Variants in MACROD2 observed in about 807,000 individuals in gnomAD.
The protein encoded by MACROD2 is mono-ADP ribosylhydrolase 2.
In MACROD2, 36 loss-of-function variants were observed where a neutral mutation model predicts 70.4. The ratio of observed to expected loss-of-function variants is 0.51; its 90% CI spans 0.39 to 0.68. MACROD2 has a LOEUF of 0.68. Among genes scored for constraint, MACROD2 ranks in the 30% least tolerant of loss-of-function variants. MACROD2 has a pLI of 0.00. For synonymous variants in MACROD2, 172 were observed against 178.8 expected, an observed-to-expected ratio of 0.96 and a Z score of 0.30; for missense variants, 496 against 538.4, an observed-to-expected ratio of 0.92 and a Z score of 0.78.
chr20:15,257,781 C>T (rs907480780), intron 6 of MACROD2, among the ~76,000 whole-genome samples: 1 of 152,078 alleles, frequency 6.6e-6, no homozygotes, highest in South Asian at 2.1e-4. Flanking sequence ...CTTATCACTA[C>T]TTTAGAGTAT....
At chr20:14,881,058 A>G (rs780880766) in intron 5 of MACROD2, among the ~76,000 whole-genome samples, 3 of 152,106 alleles carry the variant, frequency 2.0e-5, no homozygotes, top group Non-Finnish European at 2.9e-5. Context: ...TAGGGCCTAC[A>G]TGGCCTACCC....
intron 6 of MACROD2, among the ~76,000 whole-genome samples, chr20:15,336,380 A>G (rs561039652): frequency 4.7e-5 from 6 of 128,356 alleles, no homozygotes; most frequent in Admixed American, 1.6e-4. Context: ...TAACCAAAAA[A>G]AAAAAAGAAA....
chr20:14,345,797 T>C (rs2083057785), intron 3 of MACROD2, among the ~76,000 whole-genome samples: 1 of 151,870 alleles, frequency 6.6e-6, no homozygotes. Context: ...AGGAAGGAAA[T>C]AACTTTAGAA....
chr20:14,152,434 T>C (rs1252698425), intron 3 of MACROD2, among the ~76,000 whole-genome samples: 2 of 151,452 alleles, frequency 1.3e-5, no homozygotes, highest in African/African-American at 2.4e-5. Flanking sequence ...CTACATTTTT[T>C]TTTTTTTTTT....
At chr20:15,682,855 C>A (rs1385761757) in intron 8 of MACROD2, among the ~76,000 whole-genome samples, 1 of 152,128 alleles carries the variant, frequency 6.6e-6, no homozygotes, top group East Asian at 1.9e-4. Flanking sequence ...CAAGCTCTGT[C>A]ATTTTTTGTT....
chr20:15,095,040 A>G (rs1193020626), intron 5 of MACROD2, among the ~76,000 whole-genome samples: 1 of 109,150 alleles, frequency 9.2e-6, no homozygotes, highest in Non-Finnish European at 2.0e-5. Context: ...TCATTGTTAT[A>G]TCTTTTCACT....
At chr20:15,895,751 A>C (rs1296242845) in intron 10 of MACROD2, among the ~76,000 whole-genome samples, 1 of 152,214 alleles carries the variant, frequency 6.6e-6, no homozygotes, top group Non-Finnish European at 1.5e-5. Context: ...CCTGAGTTCC[A>C]CAGGATGGGC....
intron 4 of MACROD2, among the ~76,000 whole-genome samples, chr20:14,544,355 C>T (rs894984410): frequency 3.3e-5 from 5 of 151,672 alleles, no homozygotes; most frequent in African/African-American, 1.2e-4. Context: ...AGTTTAAAAT[C>T]AGACAGATTC....
At chr20:15,850,232 G>A (rs2064281582) in intron 8 of MACROD2, among the ~76,000 whole-genome samples, 1 of 152,126 alleles carries the variant, frequency 6.6e-6, no homozygotes, top group East Asian at 1.9e-4. Context: ...GGGAAACCAG[G>A]CATTTATCCC....
chr20:15,875,296 C>T (rs1272624630), intron 9 of MACROD2, among the ~76,000 whole-genome samples: 1 of 152,112 alleles, frequency 6.6e-6, no homozygotes, highest in Non-Finnish European at 1.5e-5. Flanking sequence ...AAACTTCTTA[C>T]TCAGTCTGAA....
chr20:14,627,848 A>G (rs1320156185), intron 4 of MACROD2, among the ~76,000 whole-genome samples: 2 of 152,218 alleles, frequency 1.3e-5, no homozygotes, highest in Non-Finnish European at 2.9e-5. Flanking sequence ...CAGAAAATTC[A>G]TTCTGGATTC....
intron 8 of MACROD2, among the ~76,000 whole-genome samples, chr20:15,752,486 T>A (rs2051287605): frequency 1.3e-5 from 2 of 152,140 alleles, no homozygotes; most frequent in African/African-American, 2.4e-5. Context: ...CACATACACA[T>A]GAATTTCTGT....
chr20:14,771,791 G>GTA (rs1232315918), intron 5 of MACROD2, among the ~76,000 whole-genome samples: 12 of 151,120 alleles, frequency 7.9e-5, no homozygotes, highest in African/African-American at 1.5e-4. Flanking sequence ...ATATGTATGT[G>GTA]TATATATATA....
chr20:14,716,394 A>G (rs2071397443), intron 5 of MACROD2, among the ~76,000 whole-genome samples: 1 of 152,118 alleles, frequency 6.6e-6, no homozygotes, highest in Non-Finnish European at 1.5e-5. Flanking sequence ...ATCACAGGGG[A>G]GTGAGCAGGC....
chr20:15,095,930 A>G (rs2075828137), intron 5 of MACROD2, among the ~76,000 whole-genome samples: 1 of 152,116 alleles, frequency 6.6e-6, no homozygotes, highest in South Asian at 2.1e-4. Flanking sequence ...AAATAGATTT[A>G]GAAAACAATC....
intron 6 of MACROD2, among the ~76,000 whole-genome samples, chr20:15,253,126 G>A (rs1241532257): frequency 6.6e-6 from 1 of 152,192 alleles, no homozygotes; most frequent in Non-Finnish European, 1.5e-5. Context: ...ACTTTGATAA[G>A]CCAAGTGTGT....
intron 6 of MACROD2, among the ~76,000 whole-genome samples, chr20:15,283,397 G>C (rs1271607669): frequency 6.6e-6 from 1 of 152,200 alleles, no homozygotes; most frequent in Non-Finnish European, 1.5e-5. Context: ...TCAAGGCCAG[G>C]CACAGTGGCT....
chr20:14,993,265 C>CT (rs559777859), intron 5 of MACROD2, among the ~76,000 whole-genome samples: 6,815 of 140,870 alleles, frequency 0.048, 184 homozygotes, highest in Non-Finnish European at 0.074. Context: ...GCTATGGTTA[C>CT]TTTTTTTTTT....
intron 3 of MACROD2, among the ~76,000 whole-genome samples, chr20:14,222,776 T>G (rs2081688387): frequency 6.7e-6 from 1 of 149,934 alleles, no homozygotes; most frequent in Non-Finnish European, 1.5e-5. Context: ...AACTCGATTT[T>G]TGACTCTACA....
Sources: gnomAD v4.1 joint callset for allele counts (sites outside exome capture counted in the v4.1 genomes callset) on GRCh38, gnomAD v4.1.1 for gene constraint, MANE v1.5 for transcripts, NCBI Gene and HGNC (gene_info 2026-07-23, HGNC 2026-07-21) for gene names.